The following ARHGAP8 variants were observed in gnomAD, a reference collection of about 807,000 sequenced individuals.
ARHGAP8 encodes rho GTPase-activating protein 8.
In ARHGAP8, 62 loss-of-function variants were observed where a neutral mutation model predicts 46.1. The ratio of observed to expected loss-of-function variants is 1.34; its 90% CI spans 1.10 to 1.66. ARHGAP8 has a LOEUF of 1.66. Ranked by LOEUF, ARHGAP8 falls within the 40% of genes most tolerant of loss-of-function variation. The pLI, the probability that ARHGAP8 is intolerant of heterozygous loss-of-function variation, is 0.00. For missense variants in ARHGAP8, 923 were observed against 568.4 expected (o/e 1.62, Z -6.34); for synonymous variants, 375 against 243.1 (o/e 1.54, Z -5.05).
chr22:44,827,622 T>G (rs1364808699), intron 7 of ARHGAP8, among the ~76,000 whole-genome samples: 1 of 152,090 alleles, frequency 6.6e-6, no homozygotes, highest in Non-Finnish European at 1.5e-5. Context: ...GGATTACAGG[T>G]GTGAGCCACC....
At chr22:44,772,352 CTTTTTT>C (rs58041776) in intron 1 of ARHGAP8, among the ~76,000 whole-genome samples, 2 of 92,426 alleles carry the variant, frequency 2.2e-5, no homozygotes, top group African/African-American at 8.6e-5. Context: ...TTTCTTTTTT[CTTTTTT>C]TTTTTTTTTT....
intron 2 of ARHGAP8, among the ~76,000 whole-genome samples, chr22:44,792,195 A>G (rs984641492): frequency 6.6e-6 from 1 of 152,036 alleles, no homozygotes; most frequent in African/African-American, 2.4e-5. Flanking sequence ...TATTTTTAGT[A>G]GAGATGGGGT....
intron 2 of ARHGAP8, among the ~76,000 whole-genome samples, chr22:44,793,166 G>C (rs969046611): frequency 6.6e-6 from 1 of 152,270 alleles, no homozygotes. Context: ...ATCTTAAGAA[G>C]TGGTCATTGT....
intron 4 of ARHGAP8, among the ~76,000 whole-genome samples, chr22:44,810,997 C>A (rs1197954696): frequency 6.6e-6 from 1 of 152,092 alleles, no homozygotes; most frequent in African/African-American, 2.4e-5. Context: ...AAGGTTTTGC[C>A]CTCTGCACTT....
intron 7 of ARHGAP8, among the ~76,000 whole-genome samples, chr22:44,831,037 A>G (rs1930909635): frequency 6.6e-6 from 1 of 152,086 alleles, no homozygotes; most frequent in South Asian, 2.1e-4. Flanking sequence ...TCATTGTTGT[A>G]AAGATTTGTT....
At chr22:44,815,000 C>A (rs1340094081) in intron 5 of ARHGAP8, among the ~76,000 whole-genome samples, 1 of 152,152 alleles carries the variant, frequency 6.6e-6, no homozygotes, top group African/African-American at 2.4e-5. Flanking sequence ...AAAAGCCCCC[C>A]TTTGCCTGAG....
intron 1 of ARHGAP8, among the ~76,000 whole-genome samples, chr22:44,760,388 C>T (rs1195566800): frequency 6.6e-6 from 1 of 152,184 alleles, no homozygotes; most frequent in Non-Finnish European, 1.5e-5. Context: ...TCCCAGGAGT[C>T]GCTGGCCAGT....
intron 10 of ARHGAP8, chr22:44,849,470 C>T (rs1305118565): frequency 1.3e-5 from 3 of 239,156 alleles, no homozygotes; most frequent in Non-Finnish European, 2.5e-5. Flanking sequence ...GGATGCCAAG[C>T]ATATATCACA....
intron 1 of ARHGAP8, among the ~76,000 whole-genome samples, chr22:44,780,346 G>A (rs1926752517): frequency 6.6e-6 from 1 of 151,922 alleles, no homozygotes; most frequent in Admixed American, 6.6e-5. Context: ...TACAGAGCAA[G>A]ATCCTATCTC....
At chr22:44,857,347 C>T (rs1047087452) in intron 10 of ARHGAP8, among the ~76,000 whole-genome samples, 2 of 152,206 alleles carry the variant, frequency 1.3e-5, no homozygotes, top group African/African-American at 4.8e-5. Context: ...ATCCCCATGA[C>T]TAGAAACTGC....
chr22:44,760,206 G>A (rs1481246190), intron 1 of ARHGAP8, among the ~76,000 whole-genome samples: 1 of 152,228 alleles, frequency 6.6e-6, no homozygotes, highest in African/African-American at 2.4e-5. Flanking sequence ...AGTGGTGGTT[G>A]TGATGAAGAC....
chr22:44,834,426 C>G (rs1021024773), intron 7 of ARHGAP8, among the ~76,000 whole-genome samples: 4 of 151,840 alleles, frequency 2.6e-5, no homozygotes, highest in Admixed American at 6.6e-5. Flanking sequence ...TTTCACATAT[C>G]TGTTTTTGAT....
chr22:44,755,157 C>A (rs1177868841), intron 1 of ARHGAP8, among the ~76,000 whole-genome samples: 1 of 152,214 alleles, frequency 6.6e-6, no homozygotes, highest in Non-Finnish European at 1.5e-5. Flanking sequence ...AGGAAACAGA[C>A]AAGGAAGGTT....
At chr22:44,786,656 C>T (rs1229594012) in intron 2 of ARHGAP8, 50 bp downstream of exon 2, 2 of 1,568,686 alleles carry the variant, frequency 1.3e-6, no homozygotes, top group Non-Finnish European at 8.6e-7. Context: ...AGCAGCCTTC[C>T]TCTCGGCAAC....
At chr22:44,765,219 G>A (rs539014375) in intron 1 of ARHGAP8, 1 of 152,396 alleles carries the variant, frequency 6.6e-6, no homozygotes, top group Non-Finnish European at 1.5e-5. Context: ...TGGCTGTTCC[G>A]TCTCGTGTCA....
intron 2 of ARHGAP8, among the ~76,000 whole-genome samples, chr22:44,801,480 C>T (rs1285098858): frequency 1.7e-5 from 1 of 58,326 alleles, no homozygotes; most frequent in African/African-American, 6.1e-5. Flanking sequence ...CACCTCTCCC[C>T]GCAGCTGTCT....
intron 10 of ARHGAP8, among the ~76,000 whole-genome samples, chr22:44,853,356 C>T (rs939027454): frequency 4.6e-5 from 7 of 152,214 alleles, no homozygotes; most frequent in Non-Finnish European, 7.3e-5. Flanking sequence ...CTTCCAGCGT[C>T]AGCTTTTGGG....
intron 1 of ARHGAP8, among the ~76,000 whole-genome samples, chr22:44,768,554 G>A (rs546273022): frequency 7.9e-5 from 12 of 151,474 alleles, no homozygotes; most frequent in African/African-American, 2.2e-4. Context: ...CACTTCTCCC[G>A]CCTCAGCCTC....
chr22:44,780,101 C>T (rs1282923868), intron 1 of ARHGAP8, among the ~76,000 whole-genome samples: 3 of 152,202 alleles, frequency 2.0e-5, no homozygotes, highest in African/African-American at 7.2e-5. Flanking sequence ...TGTATGTTCT[C>T]CCTCCAGCCT....
Sources: gnomAD v4.1 joint callset for allele counts (sites outside exome capture counted in the v4.1 genomes callset) on GRCh38, gnomAD v4.1.1 for gene constraint, MANE v1.5 for transcripts, NCBI Gene and HGNC (gene_info 2026-07-23, HGNC 2026-07-21) for gene names.